Variants in EPHB1 observed in about 807,000 individuals in gnomAD.
EPHB1 encodes the protein EPH receptor B1.
EPHB1 carries 30 observed loss-of-function variants against 94.4 expected under a neutral mutation model. The ratio of observed to expected loss-of-function variants is 0.32; its 90% CI spans 0.24 to 0.43. The LOEUF (loss-of-function observed/expected upper bound fraction) is 0.43. Among genes scored for constraint, EPHB1 ranks in the 20% least tolerant of loss-of-function variants. The probability of loss-of-function intolerance (pLI) is 1.00; values close to 1 mark genes in which losing one functional copy is unlikely to be tolerated. For missense variants in EPHB1, 1,055 were observed against 1,308.3 expected, an observed-to-expected ratio of 0.81 and a Z score of 2.99; for synonymous variants, 522 against 489.1, an observed-to-expected ratio of 1.07 and a Z score of -0.89.
At chr3:134,826,358 C>A (rs2036478621) in intron 1 of EPHB1, among the ~76,000 whole-genome samples, 1 of 152,038 alleles carries the variant, frequency 6.6e-6, no homozygotes, top group African/African-American at 2.4e-5. Context: ...TAGCCTACAC[C>A]AGTCCAGATG....
chr3:134,843,367 C>T (rs760917945), intron 1 of EPHB1, among the ~76,000 whole-genome samples: 39 of 152,260 alleles, frequency 2.6e-4, no homozygotes, highest in Non-Finnish European at 4.4e-4. Context: ...GGAATCTCCT[C>T]GTATTACCCT....
At chr3:135,085,856 T>G (rs893449053) in intron 3 of EPHB1, among the ~76,000 whole-genome samples, 1 of 152,230 alleles carries the variant, frequency 6.6e-6, no homozygotes. Context: ...TGATGGTCTT[T>G]AATCATTTCT....
intron 1 of EPHB1, among the ~76,000 whole-genome samples, chr3:134,804,607 T>G (rs117060434): frequency 1.3e-5 from 2 of 152,310 alleles, no homozygotes; most frequent in East Asian, 3.9e-4. Context: ...ACTCCCTTCA[T>G]AGGCTCACCT....
At chr3:135,006,406 T>C (rs998032123) in intron 3 of EPHB1, among the ~76,000 whole-genome samples, 1 of 152,182 alleles carries the variant, frequency 6.6e-6, no homozygotes, top group Non-Finnish European at 1.5e-5. Context: ...GTGGTGGTGG[T>C]GATATAATAT....
chr3:135,255,300 A>T (rs1933328606), intron 15 of EPHB1, among the ~76,000 whole-genome samples: 4 of 151,428 alleles, frequency 2.6e-5, no homozygotes, highest in Admixed American at 1.3e-4. Flanking sequence ...TTTAATTGTG[A>T]TGTTTGTTAG....
intron 3 of EPHB1, among the ~76,000 whole-genome samples, chr3:135,037,826 G>A (rs746995754): frequency 6.6e-6 from 1 of 152,168 alleles, no homozygotes; most frequent in Non-Finnish European, 1.5e-5. Context: ...TCTTTGAGTG[G>A]TGAATTTTAT....
chr3:134,823,323 G>A (rs2036416987), intron 1 of EPHB1, among the ~76,000 whole-genome samples: 1 of 152,234 alleles, frequency 6.6e-6, no homozygotes, highest in African/African-American at 2.4e-5. Context: ...ACAGGAGAAA[G>A]AGGGAGGTGA....
At position 134,795,557 on chromosome 3, in the gene EPHB1, C is replaced by A. The variant is rs1170038646; in HGVS notation, c.-75C>A. On this transcript the variant is annotated 5_prime_UTR_variant, in exon 1 of 16. Transcript: ENST00000398015. ...GAGAAGCCACCCGCGGAGAGCGCAG[C>A]GGCGCCCTGGGACGCGGCGCTCTCC... 1 of 1,436,124 alleles carries A rather than the reference C, an allele frequency of 7.0e-7. No homozygotes were observed. Among genetic ancestry groups the A allele is most frequent in the Non-Finnish European group, 9.6e-7 (1 of 1,041,518 alleles). 89.0% of individuals were successfully genotyped at this position (1,436,124 alleles called of 1,614,324 possible).
chr3:135,149,166 G>T (rs924900313), intron 5 of EPHB1, among the ~76,000 whole-genome samples: 4 of 152,104 alleles, frequency 2.6e-5, no homozygotes, highest in Non-Finnish European at 4.4e-5. Flanking sequence ...CCCAAACTAA[G>T]TCTTTCTGCT....
chr3:135,206,675 C>A (rs1041521494), intron 12 of EPHB1, among the ~76,000 whole-genome samples: 26 of 152,286 alleles, frequency 1.7e-4, no homozygotes, highest in African/African-American at 6.0e-4. Flanking sequence ...CGTGGTGACA[C>A]CCCGCCTCTA....
At chr3:134,941,442 T>C (rs6763913) in intron 2 of EPHB1, among the ~76,000 whole-genome samples, 76,332 of 143,268 alleles carry the variant, frequency 0.53, 21,701 homozygotes, top group African/African-American at 0.74. Flanking sequence ...GAACTGTCTT[T>C]AGAGGCACAG....
At chr3:135,239,589 AAG>A (rs1943731936) in intron 12 of EPHB1, among the ~76,000 whole-genome samples, 1 of 152,154 alleles carries the variant, frequency 6.6e-6, no homozygotes, top group Non-Finnish European at 1.5e-5. Context: ...AAAAACTGAA[AAG>A]GGGGGTCATA....
chr3:134,950,545 G>A (rs1280344487), intron 2 of EPHB1, among the ~76,000 whole-genome samples: 1 of 152,220 alleles, frequency 6.6e-6, no homozygotes, highest in African/African-American at 2.4e-5. Flanking sequence ...CTTCTGCTGA[G>A]GGCCTCAGGA....
chr3:135,071,785 G>T (rs919156381), intron 3 of EPHB1, among the ~76,000 whole-genome samples: 2 of 152,136 alleles, frequency 1.3e-5, no homozygotes, highest in South Asian at 2.1e-4. Flanking sequence ...CTCCCCCTGG[G>T]TGGCTAATAG....
At chr3:135,151,198 T>C (rs1941182811) in intron 5 of EPHB1, among the ~76,000 whole-genome samples, 1 of 152,196 alleles carries the variant, frequency 6.6e-6, no homozygotes. Flanking sequence ...TAGTATCATA[T>C]AAGTCAGATT....
At chr3:135,136,898 G>A (rs2107688856) in intron 5 of EPHB1, among the ~76,000 whole-genome samples, 1 of 152,276 alleles carries the variant, frequency 6.6e-6, no homozygotes, top group Non-Finnish European at 1.5e-5. Flanking sequence ...CAGATCAGGT[G>A]CAACTCTCTC....
At chr3:135,218,985 T>C (rs1943217711) in intron 12 of EPHB1, among the ~76,000 whole-genome samples, 1 of 152,140 alleles carries the variant, frequency 6.6e-6, no homozygotes, top group Non-Finnish European at 1.5e-5. Context: ...CTCTGCTTGC[T>C]CAGCAAGGAC....
intron 1 of EPHB1, among the ~76,000 whole-genome samples, chr3:134,875,945 C>T (rs1359753355): frequency 5.9e-5 from 9 of 152,152 alleles, no homozygotes; most frequent in Non-Finnish European, 7.4e-5. Flanking sequence ...CTAAACTGCA[C>T]ACTTGGTCTT....
intron 3 of EPHB1, among the ~76,000 whole-genome samples, chr3:135,036,961 G>T (rs547438162): frequency 6.6e-6 from 1 of 152,106 alleles, no homozygotes; most frequent in Non-Finnish European, 1.5e-5. Context: ...CAAGTGTCAG[G>T]CCAAGTGGGC....
Sources: gnomAD v4.1 joint callset for allele counts (sites outside exome capture counted in the v4.1 genomes callset) on GRCh38, gnomAD v4.1.1 for gene constraint, MANE v1.5 for transcripts, NCBI Gene and HGNC (gene_info 2026-07-23, HGNC 2026-07-21) for gene names.